GPR78: variants seen among roughly 807,000 people sequenced by gnomAD.
GPR78 encodes the protein G protein-coupled receptor 78.
GPR78 carries 29 observed loss-of-function variants against 17.9 expected under a neutral mutation model. That is an observed-to-expected ratio of 1.62 (90% CI 1.20 to 2.21). The LOEUF (loss-of-function observed/expected upper bound fraction) is 2.21. GPR78 is among the 30% of genes most tolerant of loss of function. GPR78 has a pLI of 0.00. For synonymous variants in GPR78, 349 were observed against 256.9 expected (o/e 1.36, Z -3.43); for missense variants, 649 against 530.5 (o/e 1.22, Z -2.19).
rs1239343351 is a variant in GPR78 at position 8,587,784 on chromosome 4, G to T, written c.*421G>T. 1.5e-5 allele frequency: 3 copies of T among 205,422 alleles called. No homozygotes were observed. The highest frequency in any genetic ancestry group is 5.3e-5 in the Admixed American group (1 of 19,034). The allele number at this position is 205,422 out of a possible 1,614,324, so 12.7% of individuals were successfully genotyped here. ...TGTTGTGCAGCCCAGATGGACACCT[G>T]TTTCTCCAACCTGGTTATTAGCATT... On this transcript the variant is annotated 3_prime_UTR_variant, in exon 3 of 3. Coordinates refer to ENST00000382487, the MANE Select transcript of GPR78 (RefSeq NM_080819.5).
In GPR78 at chr4:8,587,735, A is replaced by G; in HGVS notation, c.*372A>G. 1 of 303,214 alleles carries G rather than the reference A, an allele frequency of 3.3e-6. No individual in the cohort carries two copies. Among genetic ancestry groups the G allele is most frequent in the Non-Finnish European group, 6.2e-6 (1 of 160,584 alleles). The allele number at this position is 303,214 out of a possible 1,614,324, so 18.8% of individuals were successfully genotyped here. A position where few individuals can be genotyped will look rare whatever the true frequency, so the allele number is the denominator to read the frequency against. On this transcript the variant is annotated 3_prime_UTR_variant, in exon 3 of 3. Coordinates refer to ENST00000382487, the MANE Select transcript of GPR78 (RefSeq NM_080819.5). ...TAAGTGACTGCTGTTCATGTGGGTG[A>G]GGTGGTCACTCTTGCTCAGGGTCTG...
At chr4:8,583,934 C>T (rs1713395158) in intron 2 of GPR78, among the ~76,000 whole-genome samples, 2 of 152,240 alleles carry the variant, frequency 1.3e-5, no homozygotes, top group Non-Finnish European at 2.9e-5. Flanking sequence ...GCCTCTGGTT[C>T]TTAGGAAACT....
rs942293001 is a variant in GPR78 at position 8,580,621 on chromosome 4, C to A, written c.-362C>A. 4 of 304,974 alleles carry A rather than the reference C, an allele frequency of 1.3e-5. No individual in the cohort carries two copies. The highest frequency in any genetic ancestry group is 8.7e-5 in the African/African-American group (4 of 45,828). 18.9% of individuals were successfully genotyped at this position (304,974 alleles called of 1,614,324 possible). Reference sequence around the variant, plus strand: ...CACGAGGAGAGAAGAAGGAAAGATACAGTGTTAGGAAAGAGACCTCCCTCG... The same window carrying A: ...CACGAGGAGAGAAGAAGGAAAGATAAAGTGTTAGGAAAGAGACCTCCCTCG... On this transcript the variant is annotated 5_prime_UTR_variant, in exon 1 of 3. Coordinates refer to ENST00000382487, the MANE Select transcript of GPR78 (RefSeq NM_080819.5).
Position 8,587,867 on chromosome 4 carries a change from T to G in GPR78, c.*504T>G. The G allele has an allele frequency of 6.0e-6, 1 of 167,836 alleles. No homozygotes were observed. The highest frequency in any genetic ancestry group is 1.3e-5 in the Non-Finnish European group (1 of 77,262). The allele number at this position is 167,836 out of a possible 1,614,324, so 10.4% of individuals were successfully genotyped here. On this transcript the variant is annotated 3_prime_UTR_variant, in exon 3 of 3. Transcript: ENST00000382487. ...GGGAGATAAATGCCGGGGCGGAGTC[T>G]GGTTGGGGGCTCCCAGAGTTCACAT...
chr4:8,587,380 A>T lies in GPR78; in HGVS notation c.*17A>T. On this transcript the variant is annotated 3_prime_UTR_variant, in exon 3 of 3. Coordinates refer to ENST00000382487, the MANE Select transcript of GPR78 (RefSeq NM_080819.5). ...ACACACTGAGGGCCTGGCAGGGCTC[A>T]TCGCCCCCACCTTCTAAGAAGCCCT... The T allele has an allele frequency of 6.2e-7, 1 of 1,604,990 alleles. No homozygotes were observed. The highest frequency in any genetic ancestry group is 8.5e-7 in the Non-Finnish European group (1 of 1,174,374).
At position 8,588,020 on chromosome 4, in the gene GPR78, C is replaced by G. The variant is rs1257857246; in HGVS notation, c.*657C>G. Reference sequence around the variant, plus strand: ...TGCCTGTGTGGGCACGCAGATGGAGCCTGTCTCCTGCCTTCCTTTCCATGG... The same window carrying G: ...TGCCTGTGTGGGCACGCAGATGGAGGCTGTCTCCTGCCTTCCTTTCCATGG... On this transcript the variant is annotated 3_prime_UTR_variant, in exon 3 of 3. Coordinates refer to ENST00000382487, the MANE Select transcript of GPR78 (RefSeq NM_080819.5). Among the ~76,000 whole-genome samples the G allele has an allele frequency of 3.3e-5, 5 of 152,232 alleles. No homozygotes were observed. Among genetic ancestry groups the G allele is most frequent in the Non-Finnish European group, 5.9e-5 (4 of 68,048 alleles).
At position 8,582,596 on chromosome 4, in the gene GPR78, T is replaced by A. The variant is rs1377544377; in HGVS notation, c.734T>A (p.Ile245Asn). Residue 245 changes from isoleucine to asparagine, a missense_variant, in exon 2 of 3, where the codon ATT (isoleucine) becomes AAT (asparagine). Physicochemically the swap from Ile to Asn is moderately radical, Grantham distance 149. Transcript: ENST00000382487. ...RRHRATRKIG[I>N]AIATFLICFA... ...CACCGCGCCACCAGGAAGATTGGCA[T>A]TGCTATTGCGACCTTCCTCATCTGC... 1.2e-6 allele frequency: 2 copies of A among 1,613,608 alleles called. No homozygotes were observed. The highest frequency in any genetic ancestry group is 8.5e-7 in the Non-Finnish European group (1 of 1,179,914).
At chr4:8,585,652 A>G (rs1212767907) in intron 2 of GPR78, among the ~76,000 whole-genome samples, 1 of 152,170 alleles carries the variant, frequency 6.6e-6, no homozygotes, top group Non-Finnish European at 1.5e-5. Context: ...GGTTAGAGCC[A>G]TGACTGCCTT....
Position 8,589,789 on chromosome 4 carries a change from C to T in GPR78, c.*2426C>T, listed in dbSNP as rs536765677. Among the ~76,000 whole-genome samples the T allele has an allele frequency of 2.3e-4, 35 of 152,332 alleles. No homozygotes were observed. Among genetic ancestry groups the T allele is most frequent in the African/African-American group, 3.1e-4 (13 of 41,580 alleles). On this transcript the variant is annotated 3_prime_UTR_variant, in exon 3 of 3. Coordinates refer to ENST00000382487, the MANE Select transcript of GPR78 (RefSeq NM_080819.5). The stretch of plus-strand genomic sequence containing the variant: ...ACGGGGACTGCTTGCTGTCATGTTT[C>T]GCCTTCCTCGGCAGCTCCATGGAAT...
intron 2 of GPR78, among the ~76,000 whole-genome samples, chr4:8,586,815 A>C (rs1240571695): frequency 6.6e-6 from 1 of 152,142 alleles, no homozygotes; most frequent in African/African-American, 2.4e-5. Context: ...CCTACTGAGC[A>C]CCTGCTGTGT....
chr4:8,586,492 G>A (rs1350617618), intron 2 of GPR78, among the ~76,000 whole-genome samples: 1 of 152,212 alleles, frequency 6.6e-6, no homozygotes, highest in Non-Finnish European at 1.5e-5. Flanking sequence ...TGTGGGTGAG[G>A]TGGTCACACT....
intron 2 of GPR78, 52 bp downstream of exon 2, chr4:8,582,696 C>T (rs748683356): frequency 7.8e-7 from 1 of 1,277,488 alleles, no homozygotes; most frequent in South Asian, 1.2e-5. Context: ...GTGGGCTTGG[C>T]CTCAGTTGAG....
At chr4:8,585,110 G>A (rs949280116) in intron 2 of GPR78, among the ~76,000 whole-genome samples, 1 of 152,206 alleles carries the variant, frequency 6.6e-6, no homozygotes, top group Non-Finnish European at 1.5e-5. Flanking sequence ...GAAGCCCGTG[G>A]GGTGTGCGGC....
At position 8,587,568 on chromosome 4, in the gene GPR78, C is replaced by G; in HGVS notation, c.*205C>G. On this transcript the variant is annotated 3_prime_UTR_variant, in exon 3 of 3. Coordinates refer to ENST00000382487, the MANE Select transcript of GPR78 (RefSeq NM_080819.5). ...GGAGGAGAGCTCGGGGCTGGGCTGC[C>G]TGGCTGCTGGGTGGCCCCGGGACAG... is the stretch of plus-strand genomic sequence containing the variant. The G allele has an allele frequency of 1.6e-6, 1 of 617,710 alleles. No individual in the cohort carries two copies. The highest frequency in any genetic ancestry group is 2.8e-6 in the Non-Finnish European group (1 of 353,258). 38.3% of individuals were successfully genotyped at this position (617,710 alleles called of 1,614,324 possible).
rs1713632943 is a variant in GPR78 at position 8,588,913 on chromosome 4, C to T, written c.*1550C>T. The stretch of plus-strand genomic sequence containing the variant: ...ACAGGGTCTGACTCTGTTGCCTAGG[C>T]TAGAGTGCAGTGGTGCAATCTCAGC... On this transcript the variant is annotated 3_prime_UTR_variant, in exon 3 of 3. Coordinates refer to ENST00000382487, the MANE Select transcript of GPR78 (RefSeq NM_080819.5). Among the ~76,000 whole-genome samples the T allele has an allele frequency of 6.6e-6, 1 of 152,220 alleles. No homozygotes were observed. Among genetic ancestry groups the T allele is most frequent in the Non-Finnish European group, 1.5e-5 (1 of 68,038 alleles).
intron 2 of GPR78, 69 bp from the exon 3 acceptor site, chr4:8,586,985 C>T (rs970231063): frequency 2.9e-6 from 4 of 1,370,336 alleles, no homozygotes; most frequent in African/African-American, 1.4e-5. Flanking sequence ...CTAGCACCTT[C>T]CCCCGGAGCG....
In GPR78 at chr4:8,589,450, C is replaced by G. The variant is rs934645841; in HGVS notation, c.*2087C>G. Among the ~76,000 whole-genome samples, 1 of 152,186 alleles carries G rather than the reference C, an allele frequency of 6.6e-6. No homozygotes were observed. Among genetic ancestry groups the G allele is most frequent in the South Asian group, 2.1e-4 (1 of 4,820 alleles). On this transcript the variant is annotated 3_prime_UTR_variant, in exon 3 of 3. Transcript: ENST00000382487. Reference sequence around the variant, plus strand: ...GTCATGCCCTGGTTCACAGAGGGCACGTGAACTCGAGACCGTGCTGCACCC... The same window carrying G: ...GTCATGCCCTGGTTCACAGAGGGCAGGTGAACTCGAGACCGTGCTGCACCC...
At chr4:8,586,883 A>G (rs1713529988) in intron 2 of GPR78, among the ~76,000 whole-genome samples, 171 bp from the exon 3 acceptor site, 1 of 152,130 alleles carries the variant, frequency 6.6e-6, no homozygotes, top group Admixed American at 6.5e-5. Flanking sequence ...TTGTAATCCC[A>G]TTTTAGGAAG....
At chr4:8,586,724 CAGGTGT>C (rs1713523694) in intron 2 of GPR78, among the ~76,000 whole-genome samples, 1 of 152,168 alleles carries the variant, frequency 6.6e-6, no homozygotes, top group Admixed American at 6.5e-5. Context: ...GTGTCCGCGG[CAGGTGT>C]ACGTGCAGGT....
Sources: allele counts gnomAD v4.1 joint callset (sites outside exome capture counted in the v4.1 genomes callset), GRCh38; gene constraint gnomAD v4.1.1; transcripts MANE v1.5; gene names NCBI Gene and HGNC (gene_info 2026-07-23, HGNC 2026-07-21).